Variants in ADGRB3 observed in about 807,000 individuals in gnomAD.
ADGRB3 encodes the protein brain-specific angiogenesis inhibitor 3.
In ADGRB3, 37 loss-of-function variants were observed where a neutral mutation model predicts 193.4. The observed-to-expected ratio is 0.19, with a 90% CI of 0.15 to 0.25. The LOEUF (loss-of-function observed/expected upper bound fraction) is 0.25. ADGRB3 is among the 10% of genes least tolerant of loss of function. The probability of loss-of-function intolerance (pLI) is 1.00; values close to 1 mark genes in which losing one functional copy is unlikely to be tolerated. For missense variants in ADGRB3, 1,637 were observed against 1,852.9 expected (o/e 0.88, Z 2.14); for synonymous variants, 690 against 644.2 (o/e 1.07, Z -1.08).
chr6:69,272,036 T>C (rs1470222120), intron 20 of ADGRB3, among the ~76,000 whole-genome samples: 1 of 152,046 alleles, frequency 6.6e-6, no homozygotes, highest in Non-Finnish European at 1.5e-5. Context: ...GGGCAAAAAA[T>C]AGTTAAAAAT....
Position 69,190,234 on chromosome 6 carries a change from GA to G in ADGRB3, c.2481-43055del, listed in dbSNP as rs566708453. Among the ~76,000 whole-genome samples the G allele has an allele frequency of 1.1e-3, 168 of 152,224 alleles. 1 individual carries two copies. Among genetic ancestry groups the G allele is most frequent in the African/African-American group, 3.9e-3 (161 of 41,556 alleles). ...ACCCAGAAGAGGATATTGTATAGGA[GA>G]TGCCAGCTGTAAGCGTGTTATTGTC... On this transcript the variant is annotated intron_variant, in intron 17 of 31. Transcript: ENST00000370598.
chr6:68,877,846 G>T (rs527397132), intron 3 of ADGRB3, among the ~76,000 whole-genome samples: 1 of 151,984 alleles, frequency 6.6e-6, no homozygotes, highest in Non-Finnish European at 1.5e-5. Context: ...ATAACTGACC[G>T]ATTAGTCTGA....
At chr6:69,322,303 G>T (rs1034473292) in intron 20 of ADGRB3, among the ~76,000 whole-genome samples, 1 of 151,782 alleles carries the variant, frequency 6.6e-6, no homozygotes, top group African/African-American at 2.4e-5. Context: ...GAATACTGCT[G>T]CCATGAACAT....
intron 17 of ADGRB3, among the ~76,000 whole-genome samples, chr6:69,178,955 G>A (rs977648323): frequency 6.6e-6 from 1 of 152,180 alleles, no homozygotes; most frequent in East Asian, 1.9e-4. Flanking sequence ...TATCTCACGG[G>A]TGTTCTCTGG....
chr6:68,639,367 C>T lies in ADGRB3; in HGVS notation c.692C>T (p.Thr231Ile). 1 of 1,613,812 alleles carries T rather than the reference C, an allele frequency of 6.2e-7. No homozygotes were observed. The highest frequency in any genetic ancestry group is 8.5e-7 in the Non-Finnish European group (1 of 1,179,980). ...AATGAGCAGACAGAGGGCTGCCTGA[C>T]CCAGGAGCTGCAAACCACCCAAGTC... ...PLNEQTEGCLTQELQTTQVCN... is the reference protein window; with the variant it reads ...PLNEQTEGCLIQELQTTQVCN... The change falls in exon 3 of 32, where the codon ACC becomes ATC. Residue 231 changes from threonine (T) to isoleucine (I), a missense_variant. Around this residue, in one of 7 missense-constraint regions of ADGRB3, gnomAD observed 365 missense variants for 409.8 expected, o/e 0.89. Coordinates refer to ENST00000370598, the MANE Select transcript of ADGRB3 (RefSeq NM_001704.3).
chr6:69,057,602 T>G (rs956788605), intron 15 of ADGRB3, among the ~76,000 whole-genome samples: 4 of 152,014 alleles, frequency 2.6e-5, no homozygotes, highest in African/African-American at 9.7e-5. Context: ...TTGAGATAAT[T>G]TCTTCATATT....
Position 69,092,034 on chromosome 6 carries a change from T to A in ADGRB3, c.2480+15996T>A, listed in dbSNP as rs1045504434. On this transcript the variant is annotated intron_variant, in intron 17 of 31. Transcript: ENST00000370598. Reference sequence around the variant, plus strand: ...TCCTGAGCCCTAGATTTCCATTTTTTAAGCTTCATCAGAGATTTCAACAGT... The same window carrying A: ...TCCTGAGCCCTAGATTTCCATTTTTAAAGCTTCATCAGAGATTTCAACAGT... 3.3e-5 allele frequency among the ~76,000 whole-genome samples: 5 copies of A among 152,356 alleles called. No individual in the cohort carries two copies. In the South Asian group the frequency reaches 1.0e-3, roughly 32 times the overall value.
chr6:69,037,619 C>G (rs1345816362), intron 13 of ADGRB3, among the ~76,000 whole-genome samples: 2 of 152,070 alleles, frequency 1.3e-5, no homozygotes, highest in African/African-American at 4.8e-5. Flanking sequence ...TAAACTATCC[C>G]TTTCTAAGTT....
In ADGRB3 at chr6:69,259,589, G is replaced by T. The variant is rs201417700; in HGVS notation, c.2814+20363G>T. ...CGGGCACCTGTAGTCCCAGCTACTC[G>T]GGAGGCTGAGGCAGGAGAATGGCAT... On this transcript the variant is annotated intron_variant, in intron 20 of 31. Transcript: ENST00000370598. 8.6e-5 allele frequency among the ~76,000 whole-genome samples: 13 copies of T among 151,528 alleles called. No homozygotes were observed. In the East Asian group the frequency reaches 2.5e-3, roughly 30 times the overall value.
rs1402764360 is a variant in ADGRB3, at chr6:68,974,859, C to T, written c.1622C>T (p.Ala541Val). The T allele has an allele frequency of 6.2e-7, 1 of 1,613,040 alleles. No homozygotes were observed. Among genetic ancestry groups the T allele is most frequent in the Non-Finnish European group, 8.5e-7 (1 of 1,179,240 alleles). ...GCATTCAATCAATGTCCCCTGAATG[C>T]CACAGGTACAGTAGGATGACCCACC... Reference protein sequence around the residue: ...DLAFNQCPLNATGTTSRRCSL... With the variant: ...DLAFNQCPLNVTGTTSRRCSL... The change falls in exon 9 of 32, where the codon GCC becomes GTC. Residue 541 changes from alanine to valine, a missense_variant. Physicochemically the swap from Ala to Val is moderately conservative, Grantham distance 64. This residue lies in a region of ADGRB3 where 641 missense variants were observed against 673.9 expected (regional missense o/e 0.95). Transcript: ENST00000370598.
rs186648652 is a variant in ADGRB3 at position 68,758,079 on chromosome 6, T to C, written c.757+118647T>C. ...AGACCTACCTTCCTGTTCTGGCCTC[T>C]GATAGGATATAACCTTAGGGGAGCT... is the stretch of plus-strand genomic sequence containing the variant. On this transcript the variant is annotated intron_variant, in intron 3 of 31. Transcript: ENST00000370598. 1.2e-3 allele frequency among the ~76,000 whole-genome samples: 176 copies of C among 152,200 alleles called. 2 individuals carry two copies. Among genetic ancestry groups the C allele is most frequent in the Non-Finnish European group, 1.9e-3 (132 of 67,988 alleles).
At chr6:68,953,123 TCTCTC>T (rs1430442974) in intron 6 of ADGRB3, among the ~76,000 whole-genome samples, 1 of 152,074 alleles carries the variant, frequency 6.6e-6, no homozygotes, top group Non-Finnish European at 1.5e-5. Context: ...CAAATTATCT[TCTCTC>T]TGATTTCGAC....
chr6:68,787,542 C>T (rs181450932), intron 3 of ADGRB3, among the ~76,000 whole-genome samples: 59 of 152,074 alleles, frequency 3.9e-4, no homozygotes, highest in African/African-American at 1.0e-3. Flanking sequence ...GATGTGCTGC[C>T]GGATTCGGTT....
intron 17 of ADGRB3, among the ~76,000 whole-genome samples, chr6:69,091,595 C>T (rs1376547279): frequency 6.6e-6 from 1 of 152,080 alleles, no homozygotes; most frequent in Non-Finnish European, 1.5e-5. Context: ...AGGATTAGAA[C>T]ACATGAATAC....
At chr6:68,796,378 C>G (rs1322305383) in intron 3 of ADGRB3, among the ~76,000 whole-genome samples, 2 of 152,098 alleles carry the variant, frequency 1.3e-5, no homozygotes, top group African/African-American at 4.8e-5. Context: ...CCCTCTTCTA[C>G]CTAACAATTT....
intron 17 of ADGRB3, among the ~76,000 whole-genome samples, chr6:69,152,650 T>C (rs539147687): frequency 6.6e-6 from 1 of 152,198 alleles, no homozygotes; most frequent in Non-Finnish European, 1.5e-5. Flanking sequence ...AGTGCCTAAA[T>C]ACATAAGTAG....
At chr6:68,774,899 T>C (rs1052556686) in intron 3 of ADGRB3, among the ~76,000 whole-genome samples, 4 of 152,240 alleles carry the variant, frequency 2.6e-5, no homozygotes, top group Middle Eastern at 3.4e-3. Flanking sequence ...TCAGCCACTA[T>C]GCAGAATACT....
chr6:69,014,744 A>G (rs1432946330), intron 12 of ADGRB3, among the ~76,000 whole-genome samples: 1 of 152,038 alleles, frequency 6.6e-6, no homozygotes, highest in East Asian at 1.9e-4. Flanking sequence ...AGAAAGAGAG[A>G]AAAATTATGG....
At chr6:68,889,651 C>T (rs765344216) in intron 3 of ADGRB3, among the ~76,000 whole-genome samples, 29 of 151,892 alleles carry the variant, frequency 1.9e-4, no homozygotes, top group African/African-American at 3.4e-4. Flanking sequence ...TACAGGTGTC[C>T]GCCACCACGC....
Sources: allele counts gnomAD v4.1 joint callset (sites outside exome capture counted in the v4.1 genomes callset), GRCh38; gene constraint gnomAD v4.1.1; regional missense constraint gnomAD v4.1.1; transcripts MANE v1.5; gene names NCBI Gene and HGNC (gene_info 2026-07-23, HGNC 2026-07-21).